INPP4B: variants seen among roughly 807,000 people sequenced by gnomAD.
The protein encoded by INPP4B is inositol polyphosphate-4-phosphatase type II B.
Under a neutral mutation model 122.5 loss-of-function variants are expected in INPP4B, and 55 were observed. The observed-to-expected ratio is 0.45, with a 90% CI of 0.36 to 0.56. The LOEUF (loss-of-function observed/expected upper bound fraction) is 0.56, where lower values mean the gene tolerates loss of function less well. INPP4B is among the 20% of genes least tolerant of loss of function. INPP4B has a pLI of 0.00. For synonymous variants in INPP4B, 403 were observed against 388.7 expected (o/e 1.04, Z -0.43); for missense variants, 1,000 against 1,097.7 (o/e 0.91, Z 1.26).
intron 7 of INPP4B, among the ~76,000 whole-genome samples, chr4:142,340,094 T>C (rs1400728745): frequency 6.6e-6 from 1 of 152,160 alleles, no homozygotes; most frequent in Admixed American, 6.6e-5. Flanking sequence ...GTATATTTAA[T>C]ACCACTAAAA....
chr4:142,109,563 C>T (rs1443602494), intron 22 of INPP4B, among the ~76,000 whole-genome samples: 5 of 152,090 alleles, frequency 3.3e-5, no homozygotes, highest in Non-Finnish European at 7.4e-5. Flanking sequence ...TATTTCAATG[C>T]CTTTGGGACT....
chr4:142,658,599 C>T (rs755427660), intron 2 of INPP4B, among the ~76,000 whole-genome samples: 28 of 152,214 alleles, frequency 1.8e-4, no homozygotes, highest in Non-Finnish European at 2.9e-4. Flanking sequence ...TCTTAACTTA[C>T]GGCATTACAG....
intron 7 of INPP4B, chr4:142,347,355 C>A: frequency 4.1e-6 from 1 of 242,742 alleles, no homozygotes; most frequent in Admixed American, 5.4e-5. Context: ...GATGAAAGTG[C>A]TACATACATT....
intron 21 of INPP4B, among the ~76,000 whole-genome samples, chr4:142,113,694 T>C (rs892801508): frequency 1.3e-5 from 2 of 152,040 alleles, no homozygotes; most frequent in African/African-American, 4.8e-5. Flanking sequence ...CAATGCCATT[T>C]ACAATAGCCT....
chr4:142,817,618 G>C lies in INPP4B; in HGVS notation c.-254+28591C>G, dbSNP rs139624114. Among the ~76,000 whole-genome samples, 408 of 152,208 alleles carry C rather than the reference G, an allele frequency of 2.7e-3. 1 individual carries two copies. Among genetic ancestry groups the C allele is most frequent in the South Asian group, 6.4e-3 (31 of 4,816 alleles). Reference sequence around the variant, plus strand: ...GCCTCAGAAAAGAATGGTGACTAACGATTAAATGCTTAGCATGCCAGCCCA... The same window carrying C: ...GCCTCAGAAAAGAATGGTGACTAACCATTAAATGCTTAGCATGCCAGCCCA... On this transcript the variant is annotated intron_variant, in intron 1 of 25. Coordinates refer to ENST00000262992, the MANE Select transcript of INPP4B (RefSeq NM_001101669.3).
rs549616148 is a variant in INPP4B at position 142,233,975 on chromosome 4, C to T, written c.836+3889G>A. Among the ~76,000 whole-genome samples, 83 of 152,204 alleles carry T rather than the reference C, an allele frequency of 5.5e-4. 2 individuals carry two copies. The South Asian group carries it at 0.017, about 31-fold the overall frequency. Reference sequence around the variant, plus strand: ...CGTCCATAAAAAATTTATAACCTAACCCTATATAATAATGTAAAGCCACTG... The same window carrying T: ...CGTCCATAAAAAATTTATAACCTAATCCTATATAATAATGTAAAGCCACTG... On this transcript the variant is annotated intron_variant, in intron 12 of 25. Coordinates refer to ENST00000262992, the MANE Select transcript of INPP4B (RefSeq NM_001101669.3).
chr4:142,650,237 A>C (rs1249966776), intron 2 of INPP4B, among the ~76,000 whole-genome samples: 3 of 152,212 alleles, frequency 2.0e-5, no homozygotes, highest in African/African-American at 7.2e-5. Flanking sequence ...GGAAAGAAAC[A>C]ATTGGTACCA....
chr4:142,707,997 G>A (rs1961836), intron 2 of INPP4B, among the ~76,000 whole-genome samples: 100,019 of 152,050 alleles, frequency 0.66, 33,087 homozygotes, highest in East Asian at 0.8. Context: ...AGATGGAGAT[G>A]AGAACTTATT....
chr4:142,817,199 G>A (rs1238274493), intron 1 of INPP4B, among the ~76,000 whole-genome samples: 2 of 152,130 alleles, frequency 1.3e-5, no homozygotes, highest in African/African-American at 4.8e-5. Flanking sequence ...TGATAAGCCT[G>A]TTCTTATACC....
intron 18 of INPP4B, among the ~76,000 whole-genome samples, chr4:142,132,424 G>A (rs12502469): frequency 0.11 from 16,601 of 152,196 alleles, 1,045 homozygotes; most frequent in East Asian, 0.23. Context: ...TAATTCTACA[G>A]TGTTGTAAGA....
intron 7 of INPP4B, among the ~76,000 whole-genome samples, chr4:142,354,020 C>T (rs1034174651): frequency 2.0e-5 from 3 of 151,908 alleles, no homozygotes; most frequent in African/African-American, 7.3e-5. Flanking sequence ...ATTTAATTGA[C>T]ATAATGCCGT....
chr4:142,785,920 G>T (rs1041590982), intron 1 of INPP4B, among the ~76,000 whole-genome samples: 12 of 152,036 alleles, frequency 7.9e-5, no homozygotes, highest in African/African-American at 2.9e-4. Context: ...AAGAAGCCAG[G>T]GGGGTTGGAG....
intron 23 of INPP4B, 36 bp from the exon 24 acceptor site, chr4:142,086,292 A>G (rs1303881182): frequency 3.4e-6 from 4 of 1,180,256 alleles, no homozygotes; most frequent in East Asian, 2.3e-5. Context: ...AAATAAAATG[A>G]GACAGTGTTC....
Position 142,564,452 on chromosome 4 carries a change from AAAGAAAGAAAGAAAG to A in INPP4B, c.-190-101741_-190-101727del, listed in dbSNP as rs1469927526. Among the ~76,000 whole-genome samples, 55 of 119,558 alleles carry A rather than the reference AAAGAAAGAAAGAAAG, an allele frequency of 4.6e-4. 1 individual carries two copies. Among genetic ancestry groups the A allele is most frequent in the African/African-American group, 1.4e-3 (45 of 32,398 alleles). 78.4% of individuals were successfully genotyped at this position (119,558 alleles called of 152,430 possible). ...CTTAAGGAATGGCAAAAAAAAAAAA[AAAGAAAGAAAGAAAG>A]AAAGAAAGAAAAAAAAGAAACTCAG... is the stretch of plus-strand genomic sequence containing the variant. On this transcript the variant is annotated intron_variant, in intron 2 of 25. Transcript: ENST00000262992.
At chr4:142,267,683 CA>C (rs1214271453) in intron 10 of INPP4B, among the ~76,000 whole-genome samples, 2 of 152,046 alleles carry the variant, frequency 1.3e-5, no homozygotes, top group African/African-American at 4.8e-5. Context: ...AATATGACCC[CA>C]AAAGCACAGG....
At chr4:142,083,193 G>A (rs1039489884) in intron 24 of INPP4B, among the ~76,000 whole-genome samples, 28 of 152,078 alleles carry the variant, frequency 1.8e-4, no homozygotes, top group African/African-American at 5.8e-4. Flanking sequence ...TTCATTTTAC[G>A]GATGAGGATA....
intron 2 of INPP4B, among the ~76,000 whole-genome samples, chr4:142,570,293 C>A (rs575778248): frequency 1.3e-5 from 2 of 152,054 alleles, no homozygotes; most frequent in African/African-American, 4.8e-5. Flanking sequence ...CCTGAACATT[C>A]ATTTGAAAAT....
intron 2 of INPP4B, among the ~76,000 whole-genome samples, chr4:142,591,439 C>T (rs780533669): frequency 1.8e-4 from 28 of 151,830 alleles, no homozygotes; most frequent in Non-Finnish European, 4.0e-4. Flanking sequence ...AATAAATAAC[C>T]TAACATCCAT....
At chr4:142,214,901 G>C (rs1846438607) in intron 12 of INPP4B, among the ~76,000 whole-genome samples, 1 of 152,144 alleles carries the variant, frequency 6.6e-6, no homozygotes, top group African/African-American at 2.4e-5. Flanking sequence ...CCTTTATTGT[G>C]TATGTACACA....
Sources: allele counts gnomAD v4.1 joint callset (sites outside exome capture counted in the v4.1 genomes callset), GRCh38; gene constraint gnomAD v4.1.1; transcripts MANE v1.5; gene names NCBI Gene and HGNC (gene_info 2026-07-23, HGNC 2026-07-21).